Variants in RHD observed in about 807,000 individuals in gnomAD.
RHD encodes the protein blood group Rh(D) polypeptide.
A neutral mutation model predicts 45.5 loss-of-function variants in RHD; 16 were observed. That is an observed-to-expected ratio of 0.35 (90% CI 0.24 to 0.53). The LOEUF is 0.53. Ranked by LOEUF, RHD falls within the 20% of genes least tolerant of loss-of-function variation. The pLI is 0.92. For synonymous variants in RHD, 131 were observed against 217.5 expected, an observed-to-expected ratio of 0.60 and a Z score of 3.50; for missense variants, 306 against 532.0, an observed-to-expected ratio of 0.58 and a Z score of 4.18.
At chr1:25,278,824 A>T (rs1557514698) in intron 1 of RHD, among the ~76,000 whole-genome samples, 1 of 129,140 alleles carries the variant, frequency 7.7e-6, no homozygotes, top group Non-Finnish European at 1.8e-5. Context: ...CCTTTGGGAA[A>T]TCTCTGTTTT....
intron 2 of RHD, among the ~76,000 whole-genome samples, chr1:25,286,831 T>C (rs1308252864): frequency 7.5e-6 from 1 of 133,310 alleles, no homozygotes; most frequent in African/African-American, 2.6e-5. Flanking sequence ...CGGTGGTTCA[T>C]GCCTGTAATC....
chr1:25,307,947 C>A, intron 7 of RHD: 1 of 764,218 alleles, frequency 1.3e-6, no homozygotes, highest in South Asian at 1.7e-5. Context: ...TTTCCTGTCT[C>A]TGGGCCTGAG....
At position 25,274,612 on chromosome 1, in the gene RHD, G is replaced by A. The variant is rs1252118685; in HGVS notation, c.148+1917G>A. Among the ~76,000 whole-genome samples, 4 of 133,674 alleles carry A rather than the reference G, an allele frequency of 3.0e-5. 1 individual carries two copies. The East Asian group carries it at 7.8e-4, about 26-fold the overall frequency. The allele number at this position is 133,674 out of a possible 152,430, so 87.7% of individuals were successfully genotyped here. On this transcript the variant is annotated intron_variant, in intron 1 of 9. Coordinates refer to ENST00000328664, the MANE Select transcript of RHD (RefSeq NM_016124.6). The stretch of plus-strand genomic sequence containing the variant: ...CAGTAGGAATTACCTGTGGGACAAA[G>A]GAGGGTCATCCAAGTGAGGGCACAG...
At chr1:25,288,617 T>A (rs1483531294) in intron 2 of RHD, among the ~76,000 whole-genome samples, 2 of 127,298 alleles carry the variant, frequency 1.6e-5, no homozygotes, top group African/African-American at 5.4e-5. Context: ...AGGCATTGGG[T>A]CCACCTTATA....
rs1465626254 is a variant in RHD, at chr1:25,306,224, G to A, written c.940-372G>A. Among the ~76,000 whole-genome samples the A allele has an allele frequency of 6.8e-5, 9 of 131,648 alleles. 1 individual carries two copies. The highest frequency in any genetic ancestry group is 2.1e-4 in the African/African-American group (8 of 38,174). The allele number at this position is 131,648 out of a possible 152,430, so 86.4% of individuals were successfully genotyped here. A position where few individuals can be genotyped will look rare whatever the true frequency, so the allele number is the denominator to read the frequency against. On this transcript the variant is annotated intron_variant, in intron 6 of 9. Coordinates refer to ENST00000328664, the MANE Select transcript of RHD (RefSeq NM_016124.6). Reference sequence around the variant, plus strand: ...TGGCAGCTCGTGGGGAGAGACCAGGGATGCTGCTTAACATCCTACAGTACA... The same window carrying A: ...TGGCAGCTCGTGGGGAGAGACCAGGAATGCTGCTTAACATCCTACAGTACA...
rs1466063240 is a variant in RHD at position 25,276,349 on chromosome 1, G to A, written c.148+3654G>A. ...GACAATCATCAGAGTTTGGAGATGG[G>A]CACGTAGGGTCATCGTGCTGTTCTC... On this transcript the variant is annotated intron_variant, in intron 1 of 9. Coordinates refer to ENST00000328664, the MANE Select transcript of RHD (RefSeq NM_016124.6). Among the ~76,000 whole-genome samples the A allele has an allele frequency of 4.0e-5, 5 of 126,408 alleles. 1 individual carries two copies. The highest frequency in any genetic ancestry group is 1.4e-4 in the African/African-American group (5 of 36,664). 82.9% of individuals were successfully genotyped at this position (126,408 alleles called of 152,430 possible). A position where few individuals can be genotyped will look rare whatever the true frequency, so the allele number is the denominator to read the frequency against.
At chr1:25,277,800 G>A (rs1160807206) in intron 1 of RHD, among the ~76,000 whole-genome samples, 2 of 121,384 alleles carry the variant, frequency 1.6e-5, no homozygotes, top group East Asian at 2.0e-4. Context: ...TCAGCCTCCC[G>A]AGTAGCTGGG....
At chr1:25,302,197 A>G (rs1643439581) in intron 5 of RHD, among the ~76,000 whole-genome samples, 1 of 131,394 alleles carries the variant, frequency 7.6e-6, no homozygotes, top group African/African-American at 2.6e-5. Flanking sequence ...AAAGTGCTTA[A>G]CGGGGAGTAA....
Position 25,287,475 on chromosome 1 carries a change from T to TCC in RHD, c.335+2718_335+2719dup, listed in dbSNP as rs1264345531. 2.7e-4 allele frequency among the ~76,000 whole-genome samples: 36 copies of TCC among 135,074 alleles called. 6 individuals are homozygous for TCC. Among genetic ancestry groups the TCC allele is most frequent in the African/African-American group, 8.4e-4 (33 of 39,190 alleles). 88.6% of individuals were successfully genotyped at this position (135,074 alleles called of 152,430 possible). A position where few individuals can be genotyped will look rare whatever the true frequency, so the allele number is the denominator to read the frequency against. ...TGAAACTGGCTCCTTCCTGACCGGT[T>TCC]CCCGTCAGGGCTGTGCTGATGGGTG... is the stretch of plus-strand genomic sequence containing the variant. On this transcript the variant is annotated intron_variant, in intron 2 of 9. Coordinates refer to ENST00000328664, the MANE Select transcript of RHD (RefSeq NM_016124.6).
chr1:25,287,785 A>C (rs1642166829), intron 2 of RHD, among the ~76,000 whole-genome samples: 1 of 134,902 alleles, frequency 7.4e-6, no homozygotes, highest in Non-Finnish European at 1.8e-5. Flanking sequence ...GCAGTGGTAC[A>C]ATCATAGCTC....
rs1268679489 is a variant in RHD, at chr1:25,322,523, G to C, written c.1227+561G>C. Among the ~76,000 whole-genome samples the C allele has an allele frequency of 3.8e-5, 5 of 132,068 alleles. 2 individuals carry two copies. The highest frequency in any genetic ancestry group is 9.0e-5 in the Non-Finnish European group (5 of 55,626). 86.6% of individuals were successfully genotyped at this position (132,068 alleles called of 152,430 possible). A position where few individuals can be genotyped will look rare whatever the true frequency, so the allele number is the denominator to read the frequency against. On this transcript the variant is annotated intron_variant, in intron 9 of 9. Coordinates refer to ENST00000328664, the MANE Select transcript of RHD (RefSeq NM_016124.6). Reference sequence around the variant, plus strand: ...CCCCATCTCTACTAAAAATACAAAAGTTAGCTGGGTGTGGTGGCACATGCC... The same window carrying C: ...CCCCATCTCTACTAAAAATACAAAACTTAGCTGGGTGTGGTGGCACATGCC...
chr1:25,276,524 C>CCCG (rs1447515130), intron 1 of RHD, among the ~76,000 whole-genome samples: 1 of 56,946 alleles, frequency 1.8e-5, no homozygotes, highest in East Asian at 2.7e-4. Context: ...GAGACCCCCC[C>CCCG]CCATCTCTAA....
chr1:25,307,975 T>G (rs1485276945), intron 7 of RHD, among the ~76,000 whole-genome samples: 1 of 125,750 alleles, frequency 8.0e-6, no homozygotes, highest in South Asian at 2.4e-4. Context: ...CTCTGAAAGA[T>G]GAGGACTTGA....
At position 25,275,749 on chromosome 1, in the gene RHD, C is replaced by T. The variant is rs1396476012; in HGVS notation, c.148+3054C>T. Among the ~76,000 whole-genome samples, 5 of 132,408 alleles carry T rather than the reference C, an allele frequency of 3.8e-5. 1 individual carries two copies. Among genetic ancestry groups the T allele is most frequent in the Admixed American group, 7.3e-5 (1 of 13,626 alleles). 86.9% of individuals were successfully genotyped at this position (132,408 alleles called of 152,430 possible). A position where few individuals can be genotyped will look rare whatever the true frequency, so the allele number is the denominator to read the frequency against. ...AGGCAGGGTCCATTGCTACAGTTGA[C>T]GATAGTGGATGAAAATTCACTCCTC... On this transcript the variant is annotated intron_variant, in intron 1 of 9. Coordinates refer to ENST00000328664, the MANE Select transcript of RHD (RefSeq NM_016124.6).
Position 25,290,160 on chromosome 1 carries a change from G to A in RHD, c.336-481G>A, listed in dbSNP as rs780978942. 2.1e-4 allele frequency among the ~76,000 whole-genome samples: 27 copies of A among 130,114 alleles called. 10 individuals carry two copies. The highest frequency in any genetic ancestry group is 4.3e-4 in the Non-Finnish European group (24 of 55,426). 85.4% of individuals were successfully genotyped at this position (130,114 alleles called of 152,430 possible). On this transcript the variant is annotated intron_variant, in intron 2 of 9. Coordinates refer to ENST00000328664, the MANE Select transcript of RHD (RefSeq NM_016124.6). ...ATTCCAAATCCAGTTTCTTTCCACT[G>A]CCACGGAGACGGAGAGAAGGGACAG...
At chr1:25,321,341 C>G (rs984734257) in intron 8 of RHD, among the ~76,000 whole-genome samples, 2 of 109,322 alleles carry the variant, frequency 1.8e-5, no homozygotes, top group Admixed American at 1.8e-4. Context: ...ATTCCCAGTT[C>G]TTTTTTTCAA....
intron 7 of RHD, among the ~76,000 whole-genome samples, chr1:25,310,398 C>T (rs1478233532): frequency 7.5e-6 from 1 of 132,820 alleles, no homozygotes; most frequent in East Asian, 1.9e-4. Context: ...TTCTCCATGT[C>T]ATGATGCAGC....
At chr1:25,274,529 C>T (rs1197541758) in intron 1 of RHD, among the ~76,000 whole-genome samples, 1 of 132,726 alleles carries the variant, frequency 7.5e-6, no homozygotes, top group Non-Finnish European at 1.8e-5. Context: ...ACAACCCAGG[C>T]AGGGGAGACG....
rs1442800870 is a variant in RHD, at chr1:25,278,378, T to A, written c.148+5683T>A. Among the ~76,000 whole-genome samples, 15 of 130,626 alleles carry A rather than the reference T, an allele frequency of 1.1e-4. 2 individuals carry two copies. Among genetic ancestry groups the A allele is most frequent in the Non-Finnish European group, 2.2e-4 (12 of 55,140 alleles). 85.7% of individuals were successfully genotyped at this position (130,626 alleles called of 152,430 possible). ...GGGGAAGCAGAGAGTATCAATTACCTATTGCTGCATAACAGCCACCCCAAA... is the reference window on the plus strand; with the variant it reads ...GGGGAAGCAGAGAGTATCAATTACCAATTGCTGCATAACAGCCACCCCAAA... On this transcript the variant is annotated intron_variant, in intron 1 of 9. Coordinates refer to ENST00000328664, the MANE Select transcript of RHD (RefSeq NM_016124.6).
Sources: gnomAD v4.1 joint callset for allele counts (sites outside exome capture counted in the v4.1 genomes callset) on GRCh38, gnomAD v4.1.1 for gene constraint, MANE v1.5 for transcripts, NCBI Gene and HGNC (gene_info 2026-07-23, HGNC 2026-07-21) for gene names.